The following PML variants were observed in gnomAD, a reference collection of about 807,000 sequenced individuals.
PML encodes PML nuclear body scaffold, also known as protein PML.
Under a neutral mutation model 65.2 loss-of-function variants are expected in PML, and 28 were observed. The observed-to-expected ratio is 0.43, with a 90% CI of 0.32 to 0.59. The LOEUF (loss-of-function observed/expected upper bound fraction) is 0.59, where lower values mean the gene tolerates loss of function less well. PML is among the 20% of genes least tolerant of loss of function. PML has a pLI of 0.08. For missense variants in PML, 1,021 were observed against 1,203.4 expected, an observed-to-expected ratio of 0.85 and a Z score of 2.24; for synonymous variants, 500 against 508.8, an observed-to-expected ratio of 0.98 and a Z score of 0.23.
At chr15:74,012,561 G>C (rs1351636362) in intron 2 of PML, among the ~76,000 whole-genome samples, 20 of 152,000 alleles carry the variant, frequency 1.3e-4, no homozygotes, top group Admixed American at 1.3e-3. Flanking sequence ...CCACCCACCT[G>C]GGCCTCCCAA....
intron 7 of PML, among the ~76,000 whole-genome samples, chr15:74,039,387 T>G (rs2071647399): frequency 6.6e-6 from 1 of 152,186 alleles, no homozygotes; most frequent in South Asian, 2.1e-4. Context: ...TGCAGAAAGA[T>G]AGCAATGCAT....
chr15:73,996,584 T>C (rs1224303554), intron 1 of PML, among the ~76,000 whole-genome samples: 1 of 152,242 alleles, frequency 6.6e-6, no homozygotes, highest in Non-Finnish European at 1.5e-5. Context: ...TCTTTTAATA[T>C]AGATCATTTT....
chr15:74,031,983 C>A (rs2071341825), intron 4 of PML, among the ~76,000 whole-genome samples: 1 of 152,076 alleles, frequency 6.6e-6, no homozygotes, highest in African/African-American at 2.4e-5. Flanking sequence ...AGTAGCTGAC[C>A]CAGGTAGAGT....
At position 74,033,358 on chromosome 15, in the gene PML, G is replaced by A; in HGVS notation, c.1601G>A (p.Gly534Glu). Residue 534 changes from glycine (G) to glutamate (E), a missense_variant, in exon 6 of 9, where the codon GGA becomes GAA. By Grantham distance (98) the Gly-to-Glu change is moderately conservative. Coordinates refer to ENST00000268058, the MANE Select transcript of PML (RefSeq NM_033238.3). ...CCTAGCCCCAGGAGCCCCGTCATAG[G>A]AAGTGAGGTCTTCCTGCCCAACAGC... is the stretch of plus-strand genomic sequence containing the variant. ...GPPSPRSPVI[G>E]SEVFLPNSNH... 5 of 1,613,798 alleles carry A rather than the reference G, an allele frequency of 3.1e-6. No individual in the cohort carries two copies. The highest frequency in any genetic ancestry group is 4.2e-6 in the Non-Finnish European group (5 of 1,179,694).
chr15:74,015,661 C>G (rs768524960), intron 2 of PML, among the ~76,000 whole-genome samples: 2 of 152,270 alleles, frequency 1.3e-5, no homozygotes, highest in Non-Finnish European at 2.9e-5. Context: ...GTTCACCCAA[C>G]AGCAGGGATG....
At chr15:74,002,880 C>T (rs569308971) in intron 2 of PML, among the ~76,000 whole-genome samples, 3 of 152,244 alleles carry the variant, frequency 2.0e-5, no homozygotes, top group Non-Finnish European at 4.4e-5. Flanking sequence ...AATCCCAACA[C>T]TTTGGGAGGC....
chr15:74,024,820 T>A (rs1293267311), intron 3 of PML, 37 bp from the exon 4 acceptor site: 7 of 1,509,974 alleles, frequency 4.6e-6, no homozygotes, highest in South Asian at 1.1e-5. Flanking sequence ...TACCAGCATG[T>A]CCTTGACCTG....
chr15:74,013,659 T>G (rs1181583368), intron 2 of PML, among the ~76,000 whole-genome samples: 1 of 152,242 alleles, frequency 6.6e-6, no homozygotes, highest in Non-Finnish European at 1.5e-5. Context: ...CACCATATGT[T>G]ACTCAACTCA....
chr15:73,999,102 A>G (rs912602835), intron 2 of PML, among the ~76,000 whole-genome samples: 1 of 152,212 alleles, frequency 6.6e-6, no homozygotes, highest in Non-Finnish European at 1.5e-5. Context: ...TCTTCTGTCC[A>G]TGCCCAACTG....
rs951343897 is a variant in PML at position 74,037,200 on chromosome 15, T to C, written c.1710+2670T>C. On this transcript the variant is annotated intron_variant, in intron 7 of 8. Transcript: ENST00000268058. The surrounding 1 kb of genome is among the most constrained non-coding windows in gnomAD (Gnocchi z 4.2). Reference sequence around the variant, plus strand: ...CGCCTGCCTTTCTTCACTGGGCCCTTGTCCCAGCCTCACCCTCAGCTGATG... The same window carrying C: ...CGCCTGCCTTTCTTCACTGGGCCCTCGTCCCAGCCTCACCCTCAGCTGATG... 8 of 985,320 alleles carry C rather than the reference T, an allele frequency of 8.1e-6. No individual in the cohort carries two copies. Among genetic ancestry groups the C allele is most frequent in the Non-Finnish European group, 9.6e-6 (8 of 829,858 alleles). 61.0% of individuals were successfully genotyped at this position (985,320 alleles called of 1,614,324 possible).
intron 2 of PML, among the ~76,000 whole-genome samples, chr15:74,010,737 A>C (rs2070298373): frequency 6.6e-6 from 1 of 152,142 alleles, no homozygotes; most frequent in African/African-American, 2.4e-5. Flanking sequence ...CAGCCTATGG[A>C]TAAGTTGCAT....
rs749942852 is a variant in PML at position 74,023,019 on chromosome 15, T to C, written c.794T>C (p.Val265Ala). ...GAVHAQMHAA[V>A]GQLGRARAET... ...GTTCACGCGCAGATGCACGCGGCCG[T>C]CGGCCAGCTGGGCCGCGCGCGTGCC... Residue 265 changes from valine (V) to alanine (A), a missense_variant, in exon 3 of 9, where the codon GTC (valine) becomes GCC (alanine). Val to Ala is a moderately conservative substitution (Grantham distance 64). Coordinates refer to ENST00000268058, the MANE Select transcript of PML (RefSeq NM_033238.3). 1 of 1,607,378 alleles carries C rather than the reference T, an allele frequency of 6.2e-7. No individual in the cohort carries two copies. Among genetic ancestry groups the C allele is most frequent in the Non-Finnish European group, 8.5e-7 (1 of 1,178,598 alleles).
chr15:74,003,462 A>T (rs1288936873), intron 2 of PML, among the ~76,000 whole-genome samples: 1 of 152,170 alleles, frequency 6.6e-6, no homozygotes, highest in African/African-American at 2.4e-5. Flanking sequence ...ACACACCAAC[A>T]CACACATACA....
Position 74,044,985 on chromosome 15 carries a change from G to C in PML, c.2626G>C (p.Glu876Gln). The C allele has an allele frequency of 6.2e-7, 1 of 1,607,182 alleles. No individual in the cohort carries two copies. The highest frequency in any genetic ancestry group is 8.5e-7 in the Non-Finnish European group (1 of 1,178,290). ...CCCACTTGCTGGCCGTGGCTTGGCA[G>C]AGAGGGCCTCCCAGCAGAGCTGAGA... ...STPLAGRGLA[E>Q]RASQQS is the part of the protein sequence containing the mutation. The change falls in exon 9 of 9, where the codon GAG becomes CAG. Residue 876 changes from glutamate (E) to glutamine (Q), a missense_variant. Glu to Gln is a conservative substitution (Grantham distance 29). Transcript: ENST00000268058.
intron 7 of PML, chr15:74,034,913 G>A: frequency 1.4e-6 from 2 of 1,440,570 alleles, no homozygotes; most frequent in Non-Finnish European, 1.8e-6. Flanking sequence ...CCAGTGAAGG[G>A]GTGTCAGGCC....
chr15:74,037,054 C>T lies in PML; in HGVS notation c.1710+2524C>T. 1.0e-6 allele frequency: 1 copy of T among 985,432 alleles called. No homozygotes were observed. The highest frequency in any genetic ancestry group is 1.2e-6 in the Non-Finnish European group (1 of 829,918). The allele number at this position is 985,432 out of a possible 1,614,324, so 61.0% of individuals were successfully genotyped here. A position where few individuals can be genotyped will look rare whatever the true frequency, so the allele number is the denominator to read the frequency against. ...TCAGGAGCTTGTCGCCTCTGTGCTG[C>T]CACCTGGAGACCGAGATCTGCAGGA... is the stretch of plus-strand genomic sequence containing the variant. On this transcript the variant is annotated intron_variant, in intron 7 of 8. Coordinates refer to ENST00000268058, the MANE Select transcript of PML (RefSeq NM_033238.3). The surrounding 1 kb of genome is among the most constrained non-coding windows in gnomAD (Gnocchi z 4.2).
chr15:74,031,116 T>C, intron 4 of PML: 1 of 279,590 alleles, frequency 3.6e-6, no homozygotes, highest in South Asian at 3.6e-5. Flanking sequence ...AGGAAACCCC[T>C]TACCCATGAA....
chr15:74,013,169 T>C (rs2070409331), intron 2 of PML, among the ~76,000 whole-genome samples: 1 of 152,232 alleles, frequency 6.6e-6, no homozygotes, highest in Non-Finnish European at 1.5e-5. Flanking sequence ...CTAAAAATTA[T>C]CTTTATTTCA....
intron 2 of PML, among the ~76,000 whole-genome samples, chr15:74,008,265 G>A (rs2070158015): frequency 6.6e-6 from 1 of 152,226 alleles, no homozygotes; most frequent in African/African-American, 2.4e-5. Flanking sequence ...CACTAGAAGG[G>A]TGAGTTGGGG....
Sources: gnomAD v4.1 joint callset for allele counts (sites outside exome capture counted in the v4.1 genomes callset) on GRCh38, gnomAD v4.1.1 for gene constraint, Gnocchi (gnomAD v3.1) non-coding constraint, MANE v1.5 for transcripts, NCBI Gene and HGNC (gene_info 2026-07-23, HGNC 2026-07-21) for gene names.